DPP6: variants seen among roughly 807,000 people sequenced by gnomAD.
DPP6 encodes the protein dipeptidyl peptidase like 6, also known as A-type potassium channel modulatory protein DPP6.
DPP6 carries 69 observed loss-of-function variants against 122.6 expected under a neutral mutation model. That is an observed-to-expected ratio of 0.56 (90% CI 0.46 to 0.69). The LOEUF (loss-of-function observed/expected upper bound fraction) is 0.69. DPP6 is among the 30% of genes least tolerant of loss of function. DPP6 has a pLI of 0.00. For missense variants in DPP6, 928 were observed against 1,116.9 expected (o/e 0.83, Z 2.41); for synonymous variants, 418 against 433.1 (o/e 0.97, Z 0.43).
intron 1 of DPP6, among the ~76,000 whole-genome samples, chr7:154,433,038 A>G (rs1818556682): frequency 6.6e-6 from 1 of 151,760 alleles, no homozygotes; most frequent in Admixed American, 6.6e-5. Flanking sequence ...TGAGCCTTCC[A>G]TTCTTAAACC....
intron 5 of DPP6, among the ~76,000 whole-genome samples, chr7:154,633,088 T>C (rs2130905670): frequency 6.6e-6 from 1 of 152,318 alleles, no homozygotes; most frequent in South Asian, 2.1e-4. Flanking sequence ...TGCTATAGGA[T>C]GAGACTAAAA....
chr7:154,791,193 A>G (rs1797655387), intron 10 of DPP6, among the ~76,000 whole-genome samples: 1 of 152,196 alleles, frequency 6.6e-6, no homozygotes, highest in Non-Finnish European at 1.5e-5. Flanking sequence ...TACAGGTTGC[A>G]GTGAGCCAAG....
At position 154,844,661 on chromosome 7, in the gene DPP6, A is replaced by G. The variant is rs76657697; in HGVS notation, c.1667-9119A>G. Among the ~76,000 whole-genome samples the G allele has an allele frequency of 1.5e-3, 230 of 152,312 alleles. 8 individuals carry two copies. In the East Asian group the frequency reaches 0.036, roughly 24 times the overall value. On this transcript the variant is annotated intron_variant, in intron 16 of 25. Coordinates refer to ENST00000377770, the MANE Select transcript of DPP6 (RefSeq NM_130797.4). ...AGTGGGCATGCATCCCCTGGGCCAG[A>G]GAAACCGGATGCGAAGGCGGCCTGC...
At position 154,880,958 on chromosome 7, in the gene DPP6, C is replaced by T; in HGVS notation, c.2133+16C>T. ...GTTTGGGAAGGTGAGTCTGCGCCAC[C>T]CTGGTCTGAAAACCCCTCAGTTCCA... On this transcript the variant is annotated intron_variant, in intron 21 of 25. Coordinates refer to ENST00000377770, the MANE Select transcript of DPP6 (RefSeq NM_130797.4). 1 of 1,613,726 alleles carries T rather than the reference C, an allele frequency of 6.2e-7. No homozygotes were observed. Among genetic ancestry groups the T allele is most frequent in the South Asian group, 1.1e-5 (1 of 91,050 alleles).
chr7:154,725,556 C>T (rs1842024166), intron 7 of DPP6, among the ~76,000 whole-genome samples: 1 of 152,060 alleles, frequency 6.6e-6, no homozygotes, highest in Admixed American at 6.6e-5. Context: ...GGGGAAAATC[C>T]ACCCCCATGA....
At chr7:154,628,623 G>T (rs28702486) in intron 5 of DPP6, among the ~76,000 whole-genome samples, 1 of 151,926 alleles carries the variant, frequency 6.6e-6, no homozygotes, top group Non-Finnish European at 1.5e-5. Context: ...TCTTGTCTCC[G>T]CCCACATTAT....
intron 3 of DPP6, among the ~76,000 whole-genome samples, chr7:154,501,354 T>C (rs1456748855): frequency 6.6e-6 from 1 of 152,040 alleles, no homozygotes; most frequent in African/African-American, 2.4e-5. Flanking sequence ...TGGGGAAAAA[T>C]GTCTCCAGGC....
At chr7:154,161,358 A>G (rs1221067985) in intron 1 of DPP6, among the ~76,000 whole-genome samples, 2 of 152,112 alleles carry the variant, frequency 1.3e-5, no homozygotes, top group African/African-American at 2.4e-5. Flanking sequence ...TTAGCTGGGC[A>G]TGGTGGCTCA....
chr7:154,793,426 C>G (rs76729752), intron 10 of DPP6, among the ~76,000 whole-genome samples: 4 of 152,074 alleles, frequency 2.6e-5, no homozygotes, highest in Non-Finnish European at 5.9e-5. Flanking sequence ...AGTAGAGAGC[C>G]GCACAGAGCC....
At chr7:154,268,560 A>G (rs982138861) in intron 1 of DPP6, among the ~76,000 whole-genome samples, 1 of 152,156 alleles carries the variant, frequency 6.6e-6, no homozygotes, top group Admixed American at 6.5e-5. Context: ...ATCACATTGA[A>G]GGTTAGGATT....
chr7:153,925,744 C>G (rs1416389545), intron 1 of DPP6, among the ~76,000 whole-genome samples: 1 of 152,192 alleles, frequency 6.6e-6, no homozygotes, highest in East Asian at 1.9e-4. Flanking sequence ...GGAGATCATC[C>G]CACATGGTGG....
intron 1 of DPP6, among the ~76,000 whole-genome samples, chr7:154,368,171 A>C (rs1586073221): frequency 6.6e-6 from 1 of 152,314 alleles, no homozygotes; most frequent in Non-Finnish European, 1.5e-5. Context: ...CGTTGTTTAG[A>C]ATAATAACCT....
chr7:153,827,644 C>T, the DPP6 span, among the ~76,000 whole-genome samples: 12 of 152,058 alleles, frequency 7.9e-5, no homozygotes, highest in Admixed American at 2.6e-4. Flanking sequence ...TCTAAGACAG[C>T]GGCCACTCTA....
the DPP6 span, among the ~76,000 whole-genome samples, chr7:153,870,383 C>T: frequency 2.6e-5 from 4 of 152,164 alleles, no homozygotes; most frequent in East Asian, 1.9e-4. Context: ...CTTCTCTTCT[C>T]GCTTCATTTC....
intron 5 of DPP6, among the ~76,000 whole-genome samples, chr7:154,621,381 A>AT (rs1275303994): frequency 2.6e-5 from 4 of 152,166 alleles, no homozygotes; most frequent in South Asian, 2.1e-4. Context: ...TTACTTATTT[A>AT]TTTTTGAGAC....
At chr7:154,153,551 T>G (rs1257571068) in intron 1 of DPP6, among the ~76,000 whole-genome samples, 4 of 152,174 alleles carry the variant, frequency 2.6e-5, no homozygotes, top group Non-Finnish European at 5.9e-5. Context: ...TAAAGATGGG[T>G]GCTTCTGAAA....
At chr7:154,171,739 T>C (rs1344855444) in intron 1 of DPP6, among the ~76,000 whole-genome samples, 2 of 152,144 alleles carry the variant, frequency 1.3e-5, no homozygotes, top group East Asian at 3.9e-4. Flanking sequence ...AGCAACACTG[T>C]TGAGCTCTCT....
intron 1 of DPP6, among the ~76,000 whole-genome samples, chr7:154,022,738 G>C (rs1390588873): frequency 6.6e-6 from 1 of 152,140 alleles, no homozygotes; most frequent in Non-Finnish European, 1.5e-5. Flanking sequence ...TCTGGAAAAA[G>C]GACAGGCATA....
chr7:154,254,345 C>A (rs900285626), intron 1 of DPP6, among the ~76,000 whole-genome samples: 12 of 152,108 alleles, frequency 7.9e-5, no homozygotes, highest in Non-Finnish European at 1.8e-4. Context: ...AAGAATTTCA[C>A]TGTAATAATA....
Sources: gnomAD v4.1 joint callset for allele counts (sites outside exome capture counted in the v4.1 genomes callset) on GRCh38, gnomAD v4.1.1 for gene constraint, MANE v1.5 for transcripts, NCBI Gene and HGNC (gene_info 2026-07-23, HGNC 2026-07-21) for gene names.